Variants in NEBL observed in about 807,000 individuals in gnomAD.
The protein encoded by NEBL is nebulette.
A neutral mutation model predicts 140.2 loss-of-function variants in NEBL; 122 were observed. The observed-to-expected ratio is 0.87, with a 90% CI of 0.75 to 1.01. The LOEUF (loss-of-function observed/expected upper bound fraction) is 1.01. Among genes scored for constraint, NEBL ranks in the 50% least tolerant of loss-of-function variants. The pLI is 0.00. For synonymous variants in NEBL, 436 were observed against 398.9 expected, an observed-to-expected ratio of 1.09 and a Z score of -1.11; for missense variants, 1,365 against 1,231.3, an observed-to-expected ratio of 1.11 and a Z score of -1.62.
At chr10:21,097,772 A>T (rs1837260550) in intron 2 of NEBL, among the ~76,000 whole-genome samples, 1 of 152,200 alleles carries the variant, frequency 6.6e-6, no homozygotes, top group Non-Finnish European at 1.5e-5. Flanking sequence ...ACCACAACTG[A>T]AATGATTGTC....
At chr10:20,907,560 G>A (rs1848144438) in intron 4 of NEBL, among the ~76,000 whole-genome samples, 1 of 151,992 alleles carries the variant, frequency 6.6e-6, no homozygotes, top group Non-Finnish European at 1.5e-5. Context: ...CCGAATTTAA[G>A]CAAACCATTC....
At chr10:21,077,581 T>G (rs965717708) in intron 2 of NEBL, among the ~76,000 whole-genome samples, 3 of 152,074 alleles carry the variant, frequency 2.0e-5, no homozygotes, top group African/African-American at 7.2e-5. Context: ...CACTCCAGCC[T>G]GGGCGACAGA....
chr10:21,034,608 A>G (rs977241884), intron 2 of NEBL, among the ~76,000 whole-genome samples: 30 of 152,236 alleles, frequency 2.0e-4, no homozygotes, highest in Non-Finnish European at 4.3e-4. Context: ...ACTAATATCT[A>G]TGTAATCATT....
intron 4 of NEBL, among the ~76,000 whole-genome samples, chr10:20,953,091 C>T (rs1835584738): frequency 6.6e-6 from 1 of 152,100 alleles, no homozygotes; most frequent in Admixed American, 6.6e-5. Flanking sequence ...GATCATTCCC[C>T]ATTCAGCCCT....
intron 4 of NEBL, among the ~76,000 whole-genome samples, chr10:20,937,719 G>C (rs749252087): frequency 6.6e-6 from 1 of 152,160 alleles, no homozygotes; most frequent in Non-Finnish European, 1.5e-5. Flanking sequence ...ATGGCACCTG[G>C]AAAATCGGGT....
rs895324008 is a variant in NEBL, at chr10:20,780,521, G to A, written c.*5226C>T. ...TGAAGGCAGCACACACCTCTGATGC[G>A]ATTTGATGTGAGTTGTCATGTTAAA... is the stretch of plus-strand genomic sequence containing the variant. On this transcript the variant is annotated 3_prime_UTR_variant, in exon 28 of 28. Transcript: ENST00000377122. 1 of 152,092 alleles carries A rather than the reference G, an allele frequency of 6.6e-6. No homozygotes were observed. The highest frequency in any genetic ancestry group is 6.6e-5 in the Admixed American group (1 of 15,254). The allele number at this position is 152,092 out of a possible 1,614,324, so 9.4% of individuals were successfully genotyped here.
intron 4 of NEBL, among the ~76,000 whole-genome samples, chr10:20,944,011 A>C (rs752697051): frequency 3.3e-5 from 5 of 152,246 alleles, no homozygotes; most frequent in Non-Finnish European, 5.9e-5. Context: ...TAAGTTTTGG[A>C]GTCAAAGTTA....
At chr10:21,126,172 T>G (rs768922133) in intron 2 of NEBL, 1 of 1,551,274 alleles carries the variant, frequency 6.4e-7, no homozygotes, top group Non-Finnish European at 8.8e-7. Context: ...GTACCCCCCA[T>G]AGAAAGGAAA....
At chr10:21,144,834 T>C (rs1839816404) in intron 2 of NEBL, among the ~76,000 whole-genome samples, 1 of 152,070 alleles carries the variant, frequency 6.6e-6, no homozygotes, top group Non-Finnish European at 1.5e-5. Context: ...TCACGTCATA[T>C]GTCTCTCATC....
chr10:20,974,152 T>C (rs999614476), intron 3 of NEBL, among the ~76,000 whole-genome samples: 2 of 152,200 alleles, frequency 1.3e-5, no homozygotes, highest in African/African-American at 4.8e-5. Flanking sequence ...CAAACCCAGA[T>C]CTGCTGTCCC....
At chr10:21,080,226 T>C (rs1421642586) in intron 2 of NEBL, among the ~76,000 whole-genome samples, 1 of 152,260 alleles carries the variant, frequency 6.6e-6, no homozygotes, top group Non-Finnish European at 1.5e-5. Context: ...AACAAAAGCA[T>C]GTCATCACTT....
rs777527141 is a variant in NEBL at position 20,817,196 on chromosome 10, G to A, written c.2148+404C>T. 5.3e-5 allele frequency among the ~76,000 whole-genome samples: 8 copies of A among 151,962 alleles called. 1 individual carries two copies. Among genetic ancestry groups the A allele is most frequent in the South Asian group, 4.1e-4 (2 of 4,820 alleles). ...GGAGTTTGAGACCAGCCCAAACCCC[G>A]TCTCTACAAAAAATACAAAAATTAG... On this transcript the variant is annotated intron_variant, in intron 21 of 27. Transcript: ENST00000377122.
chr10:20,935,048 C>T (rs375140844), intron 4 of NEBL, among the ~76,000 whole-genome samples: 8 of 152,122 alleles, frequency 5.3e-5, no homozygotes, highest in African/African-American at 1.7e-4. Context: ...CAATACATGC[C>T]AGGTACCATG....
chr10:20,930,186 A>C (rs1473943489), intron 4 of NEBL, among the ~76,000 whole-genome samples: 3 of 152,132 alleles, frequency 2.0e-5, no homozygotes, highest in Non-Finnish European at 2.9e-5. Context: ...TCCCTTCCCT[A>C]GTCTTCCTCA....
At chr10:21,075,099 C>A (rs1487625679) in intron 2 of NEBL, among the ~76,000 whole-genome samples, 1 of 152,098 alleles carries the variant, frequency 6.6e-6, no homozygotes, top group Non-Finnish European at 1.5e-5. Flanking sequence ...AGCCACGACA[C>A]CCAGCCCAGA....
At chr10:21,083,565 C>T (rs551655050) in intron 2 of NEBL, among the ~76,000 whole-genome samples, 4 of 152,230 alleles carry the variant, frequency 2.6e-5, no homozygotes, top group African/African-American at 9.6e-5. Flanking sequence ...TCAGAGAAGT[C>T]CTCGGTGGAA....
intron 3 of NEBL, among the ~76,000 whole-genome samples, chr10:20,966,287 G>A (rs909790389): frequency 2.6e-5 from 4 of 152,138 alleles, no homozygotes; most frequent in African/African-American, 9.7e-5. Flanking sequence ...AGATTAGAAC[G>A]CTAAAGCAAG....
upstream of NEBL, among the ~76,000 whole-genome samples, chr10:21,178,446 A>G (rs1841336858): frequency 6.6e-6 from 1 of 152,254 alleles, no homozygotes; most frequent in Non-Finnish European, 1.5e-5. Flanking sequence ...AGAACAGAGG[A>G]GAAATTTCTA....
intron 3 of NEBL, among the ~76,000 whole-genome samples, chr10:21,195,417 C>T (rs1483179167): frequency 6.6e-6 from 1 of 152,180 alleles, no homozygotes; most frequent in Non-Finnish European, 1.5e-5. Flanking sequence ...CTAAACATCA[C>T]AACATATCCA....
Sources: gnomAD v4.1 joint callset for allele counts (sites outside exome capture counted in the v4.1 genomes callset) on GRCh38, gnomAD v4.1.1 for gene constraint, MANE v1.5 for transcripts, NCBI Gene and HGNC (gene_info 2026-07-23, HGNC 2026-07-21) for gene names.